Variants in VAV1 observed in about 807,000 individuals in gnomAD.
VAV1 encodes proto-oncogene vav.
A neutral mutation model predicts 128.1 loss-of-function variants in VAV1; 33 were observed. The ratio of observed to expected loss-of-function variants is 0.26; its 90% CI spans 0.20 to 0.34. VAV1 has a LOEUF of 0.34. Among genes scored for constraint, VAV1 ranks in the 10% least tolerant of loss-of-function variants. The pLI, the probability that VAV1 is intolerant of heterozygous loss-of-function variation, is 1.00. For synonymous variants in VAV1, 394 were observed against 409.8 expected (o/e 0.96, Z 0.47); for missense variants, 715 against 1,093.7 (o/e 0.65, Z 4.88).
chr19:6,848,654 C>T (rs550235122), intron 23 of VAV1, among the ~76,000 whole-genome samples: 70 of 152,204 alleles, frequency 4.6e-4, no homozygotes, highest in African/African-American at 1.6e-3. Flanking sequence ...CCACCCGCCT[C>T]GGCCTCCCAA....
At chr19:6,832,280 C>G in intron 15 of VAV1, 80 bp downstream of exon 15, 2 of 1,367,008 alleles carry the variant, frequency 1.5e-6, no homozygotes, top group Non-Finnish European at 2.1e-6. Context: ...AGTCCCTACT[C>G]TGTCCTGACA....
chr19:6,784,287 T>C lies in VAV1; in HGVS notation c.204+11276T>C, dbSNP rs754659045. The stretch of plus-strand genomic sequence containing the variant: ...ATATCTATGCAGGTCTGTGGAAATC[T>C]CAATGGGATGTAGAATAAGAAGGAC... On this transcript the variant is annotated intron_variant, in intron 1 of 26. Coordinates refer to ENST00000602142, the MANE Select transcript of VAV1 (RefSeq NM_005428.4). 46 of 523,690 alleles carry C rather than the reference T, an allele frequency of 8.8e-5. 1 individual carries two copies. In the South Asian group the frequency reaches 1.4e-3, roughly 15 times the overall value. The allele number at this position is 523,690 out of a possible 1,614,324, so 32.4% of individuals were successfully genotyped here.
chr19:6,822,767 AAAAC>A lies in VAV1; in HGVS notation c.654+261_654+264del, dbSNP rs762977130. Among the ~76,000 whole-genome samples, 5 of 148,086 alleles carry A rather than the reference AAAAC, an allele frequency of 3.4e-5. No homozygotes were observed. Among genetic ancestry groups the A allele is most frequent in the East Asian group, 1.9e-4 (1 of 5,142 alleles). On this transcript the variant is annotated intron_variant, in intron 6 of 26. Transcript: ENST00000602142. This position sits in a 1 kb window ranked among gnomAD's most constrained non-coding sequence, Gnocchi z 5.9. ...GCCTGCAGGAGCAGTCAAAAAACCA[AAAAC>A]AAACAAAATAAATACAAAATCAAAA...
chr19:6,792,170 A>G (rs549960414), intron 1 of VAV1, among the ~76,000 whole-genome samples: 1 of 152,168 alleles, frequency 6.6e-6, no homozygotes, highest in South Asian at 2.1e-4. Flanking sequence ...TGGGCAACAT[A>G]GTGAGATCCC....
chr19:6,830,945 A>G (rs1972040330), intron 14 of VAV1, among the ~76,000 whole-genome samples: 1 of 152,074 alleles, frequency 6.6e-6, no homozygotes, highest in African/African-American at 2.4e-5. Flanking sequence ...AAAAAAATTT[A>G]GCTGGGCTTG....
In VAV1 at chr19:6,828,191, G is replaced by A; in HGVS notation, c.1023+20G>A. On this transcript the variant is annotated intron_variant, in intron 10 of 26. Coordinates refer to ENST00000602142, the MANE Select transcript of VAV1 (RefSeq NM_005428.4). This position sits in a 1 kb window ranked among gnomAD's most constrained non-coding sequence, Gnocchi z 4.5. The stretch of plus-strand genomic sequence containing the variant: ...CTCCAGGTGCCAGGCACATCTCTAG[G>A]CGTGGGCTCCACGTACCTACTCTCC... The A allele has an allele frequency of 6.2e-7, 1 of 1,613,458 alleles. No individual in the cohort carries two copies. The highest frequency in any genetic ancestry group is 8.5e-7 in the Non-Finnish European group (1 of 1,179,586).
At chr19:6,821,515 C>T (rs1308032160) in intron 2 of VAV1, 107 bp from the exon 3 acceptor site, 12 of 1,352,980 alleles carry the variant, frequency 8.9e-6, no homozygotes, top group African/African-American at 1.4e-5. Flanking sequence ...ATTAGGCTTC[C>T]AAGAGGCATG....
chr19:6,818,220 T>C (rs1411125129), intron 1 of VAV1, among the ~76,000 whole-genome samples: 2 of 152,126 alleles, frequency 1.3e-5, no homozygotes, highest in Non-Finnish European at 2.9e-5. Flanking sequence ...TTAAATAGGG[T>C]GGCTAGAGGA....
Position 6,833,195 on chromosome 19 carries a change from A to T in VAV1, c.1520A>T (p.Tyr507Phe). The T allele has an allele frequency of 1.9e-6, 3 of 1,607,696 alleles. No individual in the cohort carries two copies. Among genetic ancestry groups the T allele is most frequent in the South Asian group, 2.2e-5 (2 of 89,990 alleles). Reference sequence around the variant, plus strand: ...TTTTCCCCTGCCAGCTCCAACATCTATCCGGAGAATGCCACCGCCAACGGG... The same window carrying T: ...TTTTCCCCTGCCAGCTCCAACATCTTTCCGGAGAATGCCACCGCCAACGGG... ...EQFEMAISNI[Y>F]PENATANGHD... Residue 507 changes from tyrosine to phenylalanine, a missense_variant, in exon 16 of 27, where the codon TAT (tyrosine) becomes TTT (phenylalanine). Tyr to Phe is a conservative substitution (Grantham distance 22). Transcript: ENST00000602142.
intron 1 of VAV1, among the ~76,000 whole-genome samples, chr19:6,790,646 T>C (rs1324001615): frequency 6.6e-6 from 1 of 152,210 alleles, no homozygotes; most frequent in Non-Finnish European, 1.5e-5. Context: ...GCAAGTTTTA[T>C]TGAAGCAACC....
intron 21 of VAV1, among the ~76,000 whole-genome samples, chr19:6,837,528 T>C (rs1057494641): frequency 6.6e-6 from 1 of 151,842 alleles, no homozygotes; most frequent in African/African-American, 2.4e-5. Flanking sequence ...CTCCCCAACC[T>C]CAGACACCCC....
intron 22 of VAV1, among the ~76,000 whole-genome samples, chr19:6,844,533 A>G (rs1972468682): frequency 6.6e-6 from 1 of 152,128 alleles, no homozygotes; most frequent in African/African-American, 2.4e-5. Flanking sequence ...CCCATCTTCT[A>G]AGTGTGTACC....
intron 1 of VAV1, among the ~76,000 whole-genome samples, chr19:6,815,174 G>A (rs1216584485): frequency 6.6e-6 from 1 of 151,974 alleles, no homozygotes; most frequent in Non-Finnish European, 1.5e-5. Context: ...TTGAGACAGG[G>A]TCTCATTGTG....
At chr19:6,838,097 G>GTCTGTCTGTCTA (rs1555705096) in intron 21 of VAV1, among the ~76,000 whole-genome samples, 3 of 146,536 alleles carry the variant, frequency 2.0e-5, no homozygotes, top group Non-Finnish European at 3.0e-5. Flanking sequence ...CTGTCTGTCT[G>GTCTGTCTGTCTA]TCTATCTATC....
intron 1 of VAV1, among the ~76,000 whole-genome samples, chr19:6,797,288 C>G (rs150305144): frequency 6.6e-6 from 1 of 151,910 alleles, no homozygotes; most frequent in Non-Finnish European, 1.5e-5. Context: ...ATGATCAAAG[C>G]CCTCTCACCT....
At chr19:6,815,798 G>A (rs1971632426) in intron 1 of VAV1, among the ~76,000 whole-genome samples, 2 of 152,134 alleles carry the variant, frequency 1.3e-5, no homozygotes. Flanking sequence ...AGGAGTCCAT[G>A]TTATCTCTGC....
chr19:6,820,040 C>T lies in VAV1; in HGVS notation c.205-662C>T, dbSNP rs1230785973. 6.6e-6 allele frequency among the ~76,000 whole-genome samples: 1 copy of T among 152,074 alleles called. No individual in the cohort carries two copies. The highest frequency in any genetic ancestry group is 2.4e-5 in the African/African-American group (1 of 41,404). ...TGAAATAAAAAAGTTTAGGGATGGC[C>T]AGGCATGGTGGCTCCCACCTGTAAT... On this transcript the variant is annotated intron_variant, in intron 1 of 26. Transcript: ENST00000602142. The surrounding 1 kb of genome is among the most constrained non-coding windows in gnomAD (Gnocchi z 4.4).
intron 15 of VAV1, among the ~76,000 whole-genome samples, chr19:6,832,533 C>T (rs1181728145): frequency 1.8e-4 from 26 of 144,944 alleles, no homozygotes; most frequent in Admixed American, 1.4e-3. Flanking sequence ...CCTCCTCCTC[C>T]CCTTCCTCTT....
intron 22 of VAV1, 109 bp from the exon 23 acceptor site, chr19:6,847,889 C>T (rs1380081817): frequency 1.9e-6 from 2 of 1,029,274 alleles, no homozygotes; most frequent in Non-Finnish European, 2.7e-6. Flanking sequence ...CAGGCTGTCA[C>T]CAACTTAAAA....
Sources: allele counts gnomAD v4.1 joint callset (sites outside exome capture counted in the v4.1 genomes callset), GRCh38; gene constraint gnomAD v4.1.1; non-coding constraint Gnocchi (gnomAD v3.1); transcripts MANE v1.5; gene names NCBI Gene and HGNC (gene_info 2026-07-23, HGNC 2026-07-21).